TNRC6A: variants seen among roughly 807,000 people sequenced by gnomAD.
The protein encoded by TNRC6A is trinucleotide repeat-containing gene 6A protein.
TNRC6A carries 44 observed loss-of-function variants against 221.2 expected under a neutral mutation model. The observed-to-expected ratio is 0.20, with a 90% CI of 0.16 to 0.26. The LOEUF is 0.26. TNRC6A is among the 10% of genes least tolerant of loss of function. The pLI is 1.00. For synonymous variants in TNRC6A, 847 were observed against 838.5 expected (o/e 1.01, Z -0.18); for missense variants, 2,199 against 2,404.4 (o/e 0.91, Z 1.79).
In TNRC6A at chr16:24,616,719, G is replaced by A. The variant is rs190505360; in HGVS notation, n.276+6235G>A. Among the ~76,000 whole-genome samples, 1,014 of 152,218 alleles carry A rather than the reference G, an allele frequency of 6.7e-3. 10 individuals are homozygous for A. The highest frequency in any genetic ancestry group is 1.0e-2 in the Non-Finnish European group (678 of 68,012). Reference sequence around the variant, plus strand: ...GCTGAGAGGCGGGTGGATCACCTGAGGTCAGGAGTTCGAGACCAGCCTGGT... The same window carrying A: ...GCTGAGAGGCGGGTGGATCACCTGAAGTCAGGAGTTCGAGACCAGCCTGGT... On this transcript the variant is annotated intron_variant and non_coding_transcript_variant, in intron 1 of 2. Transcript: ENST00000566108.
chr16:24,645,950 C>T, intron 2 of TNRC6A, among the ~76,000 whole-genome samples: 1 of 148,782 alleles, frequency 6.7e-6, no homozygotes, highest in Non-Finnish European at 1.5e-5. Context: ...GTCTGGGAGG[C>T]AGAGGTTGCC....
intron 4 of TNRC6A, among the ~76,000 whole-genome samples, chr16:24,774,973 G>T (rs1350687762): frequency 6.6e-6 from 1 of 152,078 alleles, no homozygotes; most frequent in Non-Finnish European, 1.5e-5. Context: ...TTTTTGGTTT[G>T]TTTGTTTGCT....
chr16:24,668,678 C>A (rs938505236), intron 2 of TNRC6A, among the ~76,000 whole-genome samples: 13 of 152,216 alleles, frequency 8.5e-5, no homozygotes, highest in African/African-American at 2.9e-4. Flanking sequence ...TTTCCCGCCC[C>A]CTCTGAGAAG....
chr16:24,625,521 C>T (rs1364473833), intron 1 of TNRC6A, among the ~76,000 whole-genome samples: 2 of 151,894 alleles, frequency 1.3e-5, no homozygotes, highest in Admixed American at 6.6e-5. Flanking sequence ...GTCAGGAGAT[C>T]GAGACCATCC....
chr16:24,648,745 G>C (rs747892168), intron 2 of TNRC6A, among the ~76,000 whole-genome samples: 1 of 152,166 alleles, frequency 6.6e-6, no homozygotes, highest in Non-Finnish European at 1.5e-5. Context: ...AGTGTCAAGG[G>C]ATGTTGAGCA....
At chr16:24,730,541 T>A (rs948126132) in intron 2 of TNRC6A, among the ~76,000 whole-genome samples, 4 of 151,856 alleles carry the variant, frequency 2.6e-5, no homozygotes, top group African/African-American at 9.7e-5. Context: ...TAAACTTAGT[T>A]AAAGCATTCT....
At chr16:24,658,232 A>G (rs2054958455) in intron 2 of TNRC6A, among the ~76,000 whole-genome samples, 2 of 152,140 alleles carry the variant, frequency 1.3e-5, no homozygotes, top group South Asian at 4.1e-4. Context: ...GTGGACAATT[A>G]GTTACATTTT....
At chr16:24,678,236 T>A (rs151141819) in intron 2 of TNRC6A, among the ~76,000 whole-genome samples, 87 of 148,522 alleles carry the variant, frequency 5.9e-4, no homozygotes, top group African/African-American at 2.2e-3. Flanking sequence ...ACTTAAGCCC[T>A]GGAGGCAGAG....
At chr16:24,752,315 G>A (rs1326690242) in intron 3 of TNRC6A, among the ~76,000 whole-genome samples, 1 of 152,156 alleles carries the variant, frequency 6.6e-6, no homozygotes, top group Admixed American at 6.6e-5. Flanking sequence ...CAGGCTAGGG[G>A]ATACAAAGAA....
chr16:24,819,239 CT>C (rs1415449064), intron 21 of TNRC6A, among the ~76,000 whole-genome samples: 1 of 152,132 alleles, frequency 6.6e-6, no homozygotes, highest in African/African-American at 2.4e-5. Flanking sequence ...TGCACACACA[CT>C]TTGTAAGTGA....
At chr16:24,729,556 G>T, upstream of TNRC6A, 1 of 380,058 alleles carries the variant, frequency 2.6e-6, no homozygotes, top group Non-Finnish European at 4.7e-6. Context: ...CGGTTGCCAA[G>T]GACCTGCCCA....
chr16:24,624,068 C>T (rs1392226613), intron 1 of TNRC6A, among the ~76,000 whole-genome samples: 3 of 152,154 alleles, frequency 2.0e-5, no homozygotes, highest in Non-Finnish European at 2.9e-5. Context: ...CTCTGCTGCT[C>T]TTGGCTGGGT....
At chr16:24,728,251 C>A (rs1413010988), upstream of TNRC6A, among the ~76,000 whole-genome samples, 2 of 152,126 alleles carry the variant, frequency 1.3e-5, no homozygotes, top group Non-Finnish European at 2.9e-5. Context: ...AGTTCAAGAC[C>A]AGCCTGGCCA....
chr16:24,724,128 G>T (rs2056455600), intron 2 of TNRC6A, among the ~76,000 whole-genome samples: 1 of 152,160 alleles, frequency 6.6e-6, no homozygotes, highest in African/African-American at 2.4e-5. Context: ...ATCATGTTGG[G>T]ATAGAAAGAG....
At chr16:24,620,273 C>T (rs1371745434) in intron 1 of TNRC6A, among the ~76,000 whole-genome samples, 3 of 152,108 alleles carry the variant, frequency 2.0e-5, no homozygotes, top group Non-Finnish European at 4.4e-5. Context: ...TTCATAATAA[C>T]AATCATTGTA....
At position 24,791,700 on chromosome 16, in the gene TNRC6A, A is replaced by C. The variant is rs148481737; in HGVS notation, c.3058A>C (p.Asn1020His). 3.1e-6 allele frequency: 5 copies of C among 1,613,774 alleles called. No individual in the cohort carries two copies. In the African/African-American group the frequency reaches 5.3e-5, roughly 17 times the overall value. Residue 1020 changes from asparagine (N) to histidine (H), a missense_variant, in exon 6 of 25, where the codon AAC (asparagine) becomes CAC (histidine). Physicochemically the swap from Asn to His is moderately conservative, Grantham distance 68. This residue lies in a region of TNRC6A where 1,405 missense variants were observed against 1,400.2 expected (regional missense o/e 1.00). Transcript: ENST00000395799. ...DPSKYNYKNVNMWNKNVPNGN... is the reference protein window; with the variant it reads ...DPSKYNYKNVHMWNKNVPNGN... The stretch of plus-strand genomic sequence containing the variant: ...AAGCAAATACAACTACAAAAATGTG[A>C]ACATGTGGAACAAAAACGTCCCAAA...
chr16:24,671,377 A>G (rs771184544), intron 2 of TNRC6A, among the ~76,000 whole-genome samples: 15 of 152,168 alleles, frequency 9.9e-5, no homozygotes, highest in Non-Finnish European at 1.8e-4. Flanking sequence ...GGAAAGAATG[A>G]GACAAGTTTG....
intron 2 of TNRC6A, among the ~76,000 whole-genome samples, chr16:24,689,798 T>C (rs1258666739): frequency 6.6e-6 from 1 of 151,952 alleles, no homozygotes; most frequent in Non-Finnish European, 1.5e-5. Context: ...TTGCCTAGGC[T>C]AAAATGCAGT....
At position 24,824,000 on chromosome 16, in the gene TNRC6A, A is replaced by G. The variant is rs1257917848; in HGVS notation, c.*193A>G. The stretch of plus-strand genomic sequence containing the variant: ...GGCCAATATTATAATGTGAAAAGGT[A>G]TCTACTCTATTTACACTCCCAAATA... On this transcript the variant is annotated 3_prime_UTR_variant, in exon 25 of 25. Transcript: ENST00000395799. The surrounding 1 kb of genome is among the most constrained non-coding windows in gnomAD (Gnocchi z 4.3). The G allele has an allele frequency of 2.2e-6, 1 of 448,546 alleles. No individual in the cohort carries two copies. Among genetic ancestry groups the G allele is most frequent in the Non-Finnish European group, 3.7e-6 (1 of 272,764 alleles). 27.8% of individuals were successfully genotyped at this position (448,546 alleles called of 1,614,324 possible).
Sources: allele counts gnomAD v4.1 joint callset (sites outside exome capture counted in the v4.1 genomes callset), GRCh38; gene constraint gnomAD v4.1.1; regional missense constraint gnomAD v4.1.1; non-coding constraint Gnocchi (gnomAD v3.1); transcripts MANE v1.5; gene names NCBI Gene and HGNC (gene_info 2026-07-23, HGNC 2026-07-21).